The following MTFR1 variants were observed in gnomAD, a reference collection of about 807,000 sequenced individuals.
The protein encoded by MTFR1 is mitochondrial fission regulator 1.
MTFR1 carries 28 observed loss-of-function variants against 38.8 expected under a neutral mutation model. The ratio of observed to expected loss-of-function variants is 0.72; its 90% CI spans 0.53 to 0.99. The LOEUF is 0.99. Among genes scored for constraint, MTFR1 ranks in the 50% least tolerant of loss-of-function variants. MTFR1 has a pLI of 0.00. For synonymous variants in MTFR1, 145 were observed against 137.0 expected (o/e 1.06, Z -0.41); for missense variants, 358 against 395.5 (o/e 0.91, Z 0.81).
At chr8:65,755,284 G>A (rs1808171828) in intron 3 of MTFR1, among the ~76,000 whole-genome samples, 1 of 152,016 alleles carries the variant, frequency 6.6e-6, no homozygotes, top group African/African-American at 2.4e-5. Flanking sequence ...GCCTCCCAAA[G>A]TGCTGGGATT....
chr8:65,715,760 C>T (rs1300286558), intron 2 of MTFR1, among the ~76,000 whole-genome samples: 1 of 147,634 alleles, frequency 6.8e-6, no homozygotes, highest in Non-Finnish European at 1.5e-5. Context: ...CCGAGGCGGG[C>T]GGATCACGAG....
chr8:65,728,374 T>G (rs1806694728), intron 3 of MTFR1: 1 of 152,238 alleles, frequency 6.6e-6, no homozygotes, highest in Non-Finnish European at 1.5e-5. Context: ...GAATCAATCA[T>G]CTCTTTCTAC....
At chr8:65,645,168 C>T (rs892105791) in intron 1 of MTFR1, among the ~76,000 whole-genome samples, 4 of 152,226 alleles carry the variant, frequency 2.6e-5, no homozygotes, top group African/African-American at 9.6e-5. Flanking sequence ...GGAGACCGCC[C>T]TTCGCGGCGG....
chr8:65,666,909 A>G (rs1804396445), intron 1 of MTFR1, among the ~76,000 whole-genome samples: 1 of 152,164 alleles, frequency 6.6e-6, no homozygotes, highest in South Asian at 2.1e-4. Flanking sequence ...CCCACTTCCC[A>G]TACCCAGATA....
chr8:65,661,003 A>G (rs1349647338), intron 1 of MTFR1, among the ~76,000 whole-genome samples: 1 of 152,262 alleles, frequency 6.6e-6, no homozygotes, highest in African/African-American at 2.4e-5. Flanking sequence ...CAACTTCATG[A>G]CATTCTGGAA....
At chr8:65,652,969 A>G (rs1305657760) in intron 1 of MTFR1, among the ~76,000 whole-genome samples, 1 of 152,204 alleles carries the variant, frequency 6.6e-6, no homozygotes, top group Non-Finnish European at 1.5e-5. Context: ...CCCTGTGGAT[A>G]CTGAAGGACA....
In MTFR1 at chr8:65,704,757, C is replaced by A. The variant is rs1563457435; in HGVS notation, c.345C>A (p.Ser115Arg). The A allele has an allele frequency of 1.9e-6, 3 of 1,614,066 alleles. No individual in the cohort carries two copies. Among genetic ancestry groups the A allele is most frequent in the South Asian group, 2.2e-5 (2 of 91,084 alleles). Residue 115 changes from serine (S) to arginine (R), a missense_variant, in exon 5 of 8, where the codon AGC (serine) becomes AGA (arginine). By Grantham distance (110) the Ser-to-Arg change is moderately radical. Transcript: ENST00000262146. ...DDLLFFEKAP[S>R]RQISLPDLSQ... ...TTCTTTTCTTTGAGAAGGCCCCAAG[C>A]AGACAGATTTCCTTACCAGACTTGT...
intron 3 of MTFR1, chr8:65,734,685 G>A (rs1807048719): frequency 1.5e-6 from 1 of 673,190 alleles, no homozygotes. Flanking sequence ...TTCTTGTGAA[G>A]GAAGTCTGTG....
At chr8:65,702,296 T>C (rs1199801896) in intron 4 of MTFR1, among the ~76,000 whole-genome samples, 3 of 143,880 alleles carry the variant, frequency 2.1e-5, no homozygotes, top group Non-Finnish European at 4.5e-5. Flanking sequence ...TTTCTTTCTT[T>C]CTTTTTTTTT....
At chr8:65,741,666 A>G (rs1807442292) in intron 3 of MTFR1, among the ~76,000 whole-genome samples, 4 of 152,240 alleles carry the variant, frequency 2.6e-5, no homozygotes, top group Admixed American at 2.6e-4. Flanking sequence ...ACACGAGTCC[A>G]TGTGGTGTGG....
At chr8:65,711,879 G>A (rs897979433), downstream of MTFR1, among the ~76,000 whole-genome samples, 4 of 152,114 alleles carry the variant, frequency 2.6e-5, no homozygotes, top group Non-Finnish European at 5.9e-5. Flanking sequence ...GGGCTCCTTC[G>A]ATAAGGGCAG....
intron 4 of MTFR1, among the ~76,000 whole-genome samples, chr8:65,702,297 C>CTTTTTTT (rs530863447): frequency 1.6e-4 from 18 of 110,258 alleles, no homozygotes; most frequent in East Asian, 2.8e-4. Flanking sequence ...TTCTTTCTTT[C>CTTTTTTT]TTTTTTTTTT....
intron 1 of MTFR1, among the ~76,000 whole-genome samples, chr8:65,655,229 CTTCTT>C (rs1017159981): frequency 6.6e-6 from 1 of 152,182 alleles, no homozygotes; most frequent in African/African-American, 2.4e-5. Context: ...CTGTCTCTAA[CTTCTT>C]TTAAATCATA....
intron 1 of MTFR1, among the ~76,000 whole-genome samples, chr8:65,661,874 G>A (rs1809422761): frequency 6.6e-6 from 1 of 152,082 alleles, no homozygotes; most frequent in Non-Finnish European, 1.5e-5. Context: ...TGAGGTGGGA[G>A]AATCGCTTGA....
At chr8:65,702,636 G>GT (rs996868852) in intron 4 of MTFR1, among the ~76,000 whole-genome samples, 3 of 152,024 alleles carry the variant, frequency 2.0e-5, no homozygotes, top group Admixed American at 6.5e-5. Flanking sequence ...AATAGAGTAT[G>GT]TTTTTTTACC....
At chr8:65,763,189 C>T (rs1173217356) in intron 3 of MTFR1, among the ~76,000 whole-genome samples, 2 of 151,978 alleles carry the variant, frequency 1.3e-5, no homozygotes, top group African/African-American at 2.4e-5. Context: ...ATACATATAA[C>T]ATTGATCTAA....
chr8:65,657,806 A>ATT (rs1809309319), intron 1 of MTFR1, among the ~76,000 whole-genome samples: 2 of 152,132 alleles, frequency 1.3e-5, no homozygotes, highest in African/African-American at 4.8e-5. Context: ...ACACATAATA[A>ATT]TTGTACATAT....
intron 3 of MTFR1, among the ~76,000 whole-genome samples, chr8:65,735,076 A>G (rs1444620374): frequency 1.3e-5 from 2 of 152,176 alleles, no homozygotes; most frequent in Non-Finnish European, 2.9e-5. Context: ...ATCAATATCA[A>G]TTTGACTCTC....
chr8:65,738,239 T>C (rs1313964341), intron 3 of MTFR1, among the ~76,000 whole-genome samples: 1 of 151,200 alleles, frequency 6.6e-6, no homozygotes, highest in Non-Finnish European at 1.5e-5. Context: ...TAAGTTGTAA[T>C]CTTTTTGCTG....
Sources: allele counts gnomAD v4.1 joint callset (sites outside exome capture counted in the v4.1 genomes callset), GRCh38; gene constraint gnomAD v4.1.1; transcripts MANE v1.5; gene names NCBI Gene and HGNC (gene_info 2026-07-23, HGNC 2026-07-21).